Variants in NEDD4 observed in about 807,000 individuals in gnomAD.
NEDD4 encodes E3 ubiquitin-protein ligase NEDD4.
Under a neutral mutation model 144.9 loss-of-function variants are expected in NEDD4, and 99 were observed. The observed-to-expected ratio is 0.68, with a 90% confidence interval of 0.58 to 0.81. The LOEUF is 0.81. Among genes scored for constraint, NEDD4 ranks in the 30% least tolerant of loss-of-function variants. The pLI, the probability that NEDD4 is intolerant of heterozygous loss-of-function variation, is 0.00. For missense variants in NEDD4, 985 were observed against 1,065.9 expected (o/e 0.92, Z 1.06); for synonymous variants, 318 against 350.6 (o/e 0.91, Z 1.04).
rs763329852 is a variant in NEDD4 at position 55,830,520 on chromosome 15, T to A, written c.2594A>T (p.His865Leu). Reference protein sequence around the residue: ...WGTPEKLPRAHTCFNRLDLPP... With the variant: ...WGTPEKLPRALTCFNRLDLPP... ...GGTCCAAACAACTGCTTACCAGGTA[T>A]GAGCTCTTGGCAGCTTTTCAGGAGT... Residue 865 changes from histidine (H) to leucine (L), a missense_variant, in exon 28 of 29, where the codon CAT becomes CTT. By Grantham distance (99) the His-to-Leu change is moderately conservative. Coordinates refer to ENST00000435532, the MANE Select transcript of NEDD4 (RefSeq NM_006154.4). The A allele has an allele frequency of 1.2e-6, 2 of 1,613,424 alleles. No individual in the cohort carries two copies. The highest frequency in any genetic ancestry group is 2.7e-5 in the African/African-American group (2 of 74,906).
chr15:55,882,488 G>A (rs771824617), intron 5 of NEDD4, among the ~76,000 whole-genome samples: 18 of 152,220 alleles, frequency 1.2e-4, no homozygotes, highest in African/African-American at 2.9e-4. Context: ...AGCCAGAGCC[G>A]GTGGAGAATT....
chr15:55,927,089 AAAAAAAAAAAG>A (rs1348480010), intron 4 of NEDD4, among the ~76,000 whole-genome samples: 26 of 150,236 alleles, frequency 1.7e-4, no homozygotes, highest in South Asian at 1.3e-3. Context: ...AAAAAAAAAA[AAAAAAAAAAAG>A]AAAGAAAGAA....
At chr15:55,883,726 C>CACACAG (rs1555399463) in intron 5 of NEDD4, among the ~76,000 whole-genome samples, 2 of 140,934 alleles carry the variant, frequency 1.4e-5, no homozygotes, top group African/African-American at 5.3e-5. Flanking sequence ...CACACACACA[C>CACACAG]AGAAAGAGAA....
In NEDD4 at chr15:55,915,607, C is replaced by T. The variant is rs751385882; in HGVS notation, c.291+9039G>A. The T allele has an allele frequency of 3.1e-6, 5 of 1,613,696 alleles. No individual in the cohort carries two copies. The Admixed American group carries it at 8.3e-5, about 27-fold the overall frequency. ...TGCATGAGCTTAATATACTCTGAAT[C>T]AGAATTAAGCTTAATTTCTGACATT... On this transcript the variant is annotated intron_variant, in intron 5 of 28. Coordinates refer to ENST00000435532, the MANE Select transcript of NEDD4 (RefSeq NM_006154.4).
At chr15:55,877,800 A>G (rs990296391) in intron 5 of NEDD4, among the ~76,000 whole-genome samples, 4 of 152,108 alleles carry the variant, frequency 2.6e-5, no homozygotes, top group Non-Finnish European at 5.9e-5. Context: ...ACTCATTGAT[A>G]TTTGTTTTAT....
intron 1 of NEDD4, among the ~76,000 whole-genome samples, chr15:55,980,927 A>C (rs2037790331): frequency 6.6e-6 from 1 of 152,196 alleles, no homozygotes; most frequent in Non-Finnish European, 1.5e-5. Context: ...ATAAATAATT[A>C]TAAACATAAT....
chr15:55,858,629 T>C (rs2034287404), intron 11 of NEDD4, among the ~76,000 whole-genome samples: 1 of 152,160 alleles, frequency 6.6e-6, no homozygotes, highest in Non-Finnish European at 1.5e-5. Flanking sequence ...GGTCTTTGAC[T>C]GACCTGTCCC....
At position 55,888,362 on chromosome 15, in the gene NEDD4, G is replaced by A. The variant is rs529660362; in HGVS notation, c.292-14354C>T. 2.0e-5 allele frequency among the ~76,000 whole-genome samples: 3 copies of A among 152,142 alleles called. No homozygotes were observed. The East Asian group carries it at 5.8e-4, about 29-fold the overall frequency. On this transcript the variant is annotated intron_variant, in intron 5 of 28. Coordinates refer to ENST00000435532, the MANE Select transcript of NEDD4 (RefSeq NM_006154.4). ...GTAAACAATTTGTAAAATAAATCAA[G>A]AAGGCAATCCTATTTACAATAACTA... is the stretch of plus-strand genomic sequence containing the variant.
chr15:55,957,208 T>TG (rs1228937900), intron 2 of NEDD4, among the ~76,000 whole-genome samples: 3 of 152,214 alleles, frequency 2.0e-5, no homozygotes, highest in Non-Finnish European at 4.4e-5. Context: ...GTAGATTCCT[T>TG]GGGGCTTTCT....
chr15:55,898,716 A>G (rs766127640), intron 5 of NEDD4, among the ~76,000 whole-genome samples: 11 of 150,624 alleles, frequency 7.3e-5, no homozygotes, highest in Non-Finnish European at 1.3e-4. Flanking sequence ...GCTCAATGCA[A>G]CTTGGACTCC....
chr15:55,984,928 A>G (rs1461018096), intron 1 of NEDD4, among the ~76,000 whole-genome samples: 3 of 152,242 alleles, frequency 2.0e-5, no homozygotes, highest in African/African-American at 7.2e-5. Context: ...GTAGATAACC[A>G]TGATAGATTG....
At chr15:55,892,302 A>G (rs934671889) in intron 5 of NEDD4, among the ~76,000 whole-genome samples, 1 of 137,574 alleles carries the variant, frequency 7.3e-6, no homozygotes, top group Non-Finnish European at 1.6e-5. Context: ...ATAAATAAAT[A>G]AATAAATAAA....
intron 1 of NEDD4, among the ~76,000 whole-genome samples, chr15:55,980,602 C>T (rs80304948): frequency 2.0e-5 from 3 of 152,210 alleles, no homozygotes; most frequent in Non-Finnish European, 4.4e-5. Flanking sequence ...ATTAAAGAAA[C>T]AGTAGATTCA....
chr15:55,890,188 TAAA>T (rs1393134321), intron 5 of NEDD4, among the ~76,000 whole-genome samples: 1 of 152,080 alleles, frequency 6.6e-6, no homozygotes, highest in Non-Finnish European at 1.5e-5. Flanking sequence ...AAATTAAAAA[TAAA>T]AAAAGCTTTA....
chr15:55,910,076 A>G (rs1411627812), intron 5 of NEDD4, among the ~76,000 whole-genome samples: 5 of 152,110 alleles, frequency 3.3e-5, no homozygotes, highest in African/African-American at 1.2e-4. Flanking sequence ...TGTAACCTTT[A>G]TTTTTTTCTC....
chr15:55,960,498 G>A (rs2037407125), intron 2 of NEDD4, among the ~76,000 whole-genome samples: 2 of 152,168 alleles, frequency 1.3e-5, no homozygotes, highest in Non-Finnish European at 2.9e-5. Context: ...TATGCTAGGG[G>A]CTCTTGTACC....
intron 8 of NEDD4, among the ~76,000 whole-genome samples, chr15:55,865,135 T>C (rs1439649860): frequency 1.3e-5 from 2 of 149,492 alleles, no homozygotes; most frequent in Non-Finnish European, 3.0e-5. Context: ...GAGGCAGAGG[T>C]TGCAGTGAGC....
In NEDD4 at chr15:55,993,512, T is replaced by C. The variant is rs1395103075; in HGVS notation, c.44A>G (p.Glu15Gly). The C allele has an allele frequency of 8.1e-6, 13 of 1,597,802 alleles. No homozygotes were observed. Among genetic ancestry groups the C allele is most frequent in the Non-Finnish European group, 1.1e-5 (13 of 1,174,290 alleles). Reference protein sequence around the residue: ...AVEVFGLLEDEENSRIVRVRV... With the variant: ...AVEVFGLLEDGENSRIVRVRV... ...CCCGCAGCCCCGCGGTCCCCGCACC[T>C]CGTCCTCCAGGAGCCCGAACACCTC... The change falls in exon 1 of 29, where the codon GAG (glutamate) becomes GGG (glycine). Residue 15 changes from glutamate (E) to glycine (G), a missense_variant and splice_region_variant. By Grantham distance (98) the Glu-to-Gly change is moderately conservative (BLOSUM62 -2). Coordinates refer to ENST00000435532, the MANE Select transcript of NEDD4 (RefSeq NM_006154.4).
chr15:55,916,297 C>G, intron 5 of NEDD4: 1 of 1,614,002 alleles, frequency 6.2e-7, no homozygotes, highest in Non-Finnish European at 8.5e-7. Flanking sequence ...GTATATGAAC[C>G]TCCACTTGTG....
Sources: allele counts gnomAD v4.1 joint callset (sites outside exome capture counted in the v4.1 genomes callset), GRCh38; gene constraint gnomAD v4.1.1; transcripts MANE v1.5; gene names NCBI Gene and HGNC (gene_info 2026-07-23, HGNC 2026-07-21).